MAGI2: variants seen among roughly 807,000 people sequenced by gnomAD.
The protein encoded by MAGI2 is membrane-associated guanylate kinase, WW and PDZ domain-containing protein 2.
A neutral mutation model predicts 133.3 loss-of-function variants in MAGI2; 35 were observed. The observed-to-expected ratio is 0.26, with a 90% confidence interval of 0.20 to 0.35. MAGI2 has a LOEUF of 0.35. MAGI2 is among the 10% of genes least tolerant of loss of function. MAGI2 has a pLI of 1.00. For missense variants in MAGI2, 1,636 were observed against 1,863.4 expected (o/e 0.88, Z 2.25); for synonymous variants, 729 against 710.6 (o/e 1.03, Z -0.41).
At chr7:78,083,225 C>T (rs569903292) in intron 20 of MAGI2, among the ~76,000 whole-genome samples, 2 of 152,140 alleles carry the variant, frequency 1.3e-5, no homozygotes, top group South Asian at 4.2e-4. Flanking sequence ...TTTCTATACT[C>T]TCTCTGCCAC....
chr7:78,689,682 C>CTTTTTTTTTTT (rs200333526), intron 2 of MAGI2, among the ~76,000 whole-genome samples: 65 of 92,024 alleles, frequency 7.1e-4, no homozygotes, highest in East Asian at 1.5e-3. Context: ...TTGGATCTGG[C>CTTTTTTTTTTT]TTTTTTTTTT....
At chr7:78,679,514 T>A (rs1039761481) in intron 2 of MAGI2, among the ~76,000 whole-genome samples, 1 of 147,760 alleles carries the variant, frequency 6.8e-6, no homozygotes, top group African/African-American at 2.5e-5. Context: ...GACATTAATA[T>A]CCTAAATGAG....
intron 21 of MAGI2, among the ~76,000 whole-genome samples, chr7:78,033,196 C>A (rs1156899712): frequency 6.6e-6 from 1 of 151,992 alleles, no homozygotes; most frequent in African/African-American, 2.4e-5. Context: ...TAGAGTGGAC[C>A]TGCTGATGGA....
intron 3 of MAGI2, among the ~76,000 whole-genome samples, chr7:78,586,633 G>A (rs974508682): frequency 1.3e-5 from 2 of 151,998 alleles, no homozygotes; most frequent in African/African-American, 4.8e-5. Flanking sequence ...GTGACATTAA[G>A]TACACTCCCA....
At chr7:78,074,958 G>A (rs936278882) in intron 21 of MAGI2, among the ~76,000 whole-genome samples, 4 of 152,216 alleles carry the variant, frequency 2.6e-5, no homozygotes, top group African/African-American at 9.6e-5. Flanking sequence ...TTGGCCATTG[G>A]CTGGTGCCTG....
intron 2 of MAGI2, among the ~76,000 whole-genome samples, chr7:78,676,515 C>T (rs17151258): frequency 0.051 from 7,690 of 152,078 alleles, 293 homozygotes; most frequent in East Asian, 0.14. Context: ...CTAAAACTAT[C>T]GATGCTTTTT....
At chr7:78,905,793 T>G (rs2151602835) in intron 2 of MAGI2, among the ~76,000 whole-genome samples, 1 of 152,318 alleles carries the variant, frequency 6.6e-6, no homozygotes, top group Admixed American at 6.5e-5. Flanking sequence ...TGAATGCATT[T>G]AGTTTGGTGT....
intron 20 of MAGI2, among the ~76,000 whole-genome samples, chr7:78,109,252 C>T (rs1421152120): frequency 8.5e-6 from 1 of 118,256 alleles, no homozygotes; most frequent in Non-Finnish European, 1.6e-5. Flanking sequence ...TGCAGTGAGC[C>T]GACATCGAGC....
At chr7:78,178,229 A>C (rs1436167891) in intron 13 of MAGI2, 127 bp from the exon 14 acceptor site, 6 of 611,296 alleles carry the variant, frequency 9.8e-6, no homozygotes, top group Non-Finnish European at 1.8e-5. Flanking sequence ...GGGTCAATGG[A>C]AACCATAGAG....
At chr7:78,505,522 C>T (rs570830002) in intron 4 of MAGI2, among the ~76,000 whole-genome samples, 5 of 152,238 alleles carry the variant, frequency 3.3e-5, no homozygotes, top group South Asian at 4.1e-4. Flanking sequence ...TACTGTGGTA[C>T]GCACATGGAA....
chr7:78,585,322 G>T (rs1235324042), intron 3 of MAGI2, among the ~76,000 whole-genome samples: 1 of 152,056 alleles, frequency 6.6e-6, no homozygotes, highest in Non-Finnish European at 1.5e-5. Context: ...ATCTTACAAG[G>T]GTTATCAGAA....
At chr7:79,238,723 A>C (rs371879862) in intron 1 of MAGI2, among the ~76,000 whole-genome samples, 2 of 152,300 alleles carry the variant, frequency 1.3e-5, no homozygotes, top group South Asian at 4.1e-4. Flanking sequence ...TTTGGATAAG[A>C]ACTTTGAAAT....
At chr7:79,131,831 T>C (rs1319844951) in intron 1 of MAGI2, among the ~76,000 whole-genome samples, 1 of 152,168 alleles carries the variant, frequency 6.6e-6, no homozygotes, top group African/African-American at 2.4e-5. Context: ...TCTATTACGA[T>C]GTCTATTTCA....
intron 7 of MAGI2, chr7:78,359,112 T>C (rs1792495669): frequency 6.6e-6 from 1 of 152,216 alleles, no homozygotes; most frequent in African/African-American, 2.4e-5. Flanking sequence ...TGTACAGGAA[T>C]AATTTGTCTA....
intron 1 of MAGI2, among the ~76,000 whole-genome samples, chr7:79,366,231 CAAAAAAA>C (rs1274868155): frequency 6.6e-6 from 1 of 151,418 alleles, no homozygotes; most frequent in Non-Finnish European, 1.5e-5. Flanking sequence ...GATCCTGTAT[CAAAAAAA>C]CAAAAAACAA....
At chr7:78,040,920 C>T (rs946573264) in intron 21 of MAGI2, among the ~76,000 whole-genome samples, 1 of 152,172 alleles carries the variant, frequency 6.6e-6, no homozygotes, top group Non-Finnish European at 1.5e-5. Context: ...GGAGTAGCCT[C>T]AAAGGTGCCT....
At chr7:78,638,090 A>G (rs1357929972) in intron 2 of MAGI2, among the ~76,000 whole-genome samples, 1 of 146,934 alleles carries the variant, frequency 6.8e-6, no homozygotes, top group African/African-American at 2.6e-5. Flanking sequence ...AAAAGAAAAG[A>G]AAAAAAAAAG....
chr7:79,144,596 T>A (rs1339245655), intron 1 of MAGI2, among the ~76,000 whole-genome samples: 1 of 152,204 alleles, frequency 6.6e-6, no homozygotes, highest in East Asian at 1.9e-4. Context: ...TTTCAGCTAT[T>A]TCTTTATAGC....
At chr7:78,987,722 T>C (rs1805393554) in intron 2 of MAGI2, among the ~76,000 whole-genome samples, 1 of 152,070 alleles carries the variant, frequency 6.6e-6, no homozygotes, top group Non-Finnish European at 1.5e-5. Flanking sequence ...AACAGTTTCA[T>C]TTATTATTTT....
Sources: gnomAD v4.1 joint callset for allele counts (sites outside exome capture counted in the v4.1 genomes callset) on GRCh38, gnomAD v4.1.1 for gene constraint, MANE v1.5 for transcripts, NCBI Gene and HGNC (gene_info 2026-07-23, HGNC 2026-07-21) for gene names.